MTMR14: variants seen among roughly 807,000 people sequenced by gnomAD.
MTMR14 encodes the protein phosphatidylinositol-3,5-bisphosphate 3-phosphatase MTMR14.
A neutral mutation model predicts 86.3 loss-of-function variants in MTMR14; 48 were observed. The ratio of observed to expected loss-of-function variants is 0.56; its 90% confidence interval spans 0.44 to 0.71. MTMR14 has a LOEUF of 0.71. Ranked by LOEUF, MTMR14 falls within the 30% of genes least tolerant of loss-of-function variation. The pLI is 0.00. For missense variants in MTMR14, 780 were observed against 834.6 expected (o/e 0.93, Z 0.81); for synonymous variants, 366 against 326.1 (o/e 1.12, Z -1.32).
chr3:9,664,574 A>C (rs920957789), intron 3 of MTMR14, among the ~76,000 whole-genome samples: 1 of 152,200 alleles, frequency 6.6e-6, no homozygotes, highest in Non-Finnish European at 1.5e-5. Flanking sequence ...GCCATGAAAA[A>C]TAATGAGATC....
Position 9,701,589 on chromosome 3 carries a change from G to T in MTMR14, c.1770-201G>T. The T allele has an allele frequency of 1.5e-6, 1 of 654,520 alleles. No homozygotes were observed. Among genetic ancestry groups the T allele is most frequent in the Non-Finnish European group, 2.7e-6 (1 of 369,746 alleles). 40.5% of individuals were successfully genotyped at this position (654,520 alleles called of 1,614,324 possible). ...GCTCTAGGTGGGAACAGTAGCCTGA[G>T]GGCTTAGAGGAATGGTTTAAGGGAA... On this transcript the variant is annotated intron_variant, in intron 18 of 18. Coordinates refer to ENST00000296003, the MANE Select transcript of MTMR14 (RefSeq NM_001077525.3). This position sits in a 1 kb window ranked among gnomAD's most constrained non-coding sequence, Gnocchi z 4.2.
intron 7 of MTMR14, among the ~76,000 whole-genome samples, chr3:9,673,678 T>G (rs957527332): frequency 3.3e-5 from 5 of 152,114 alleles, no homozygotes; most frequent in African/African-American, 1.2e-4. Context: ...GGTGTCCTCA[T>G]CATGTGCAAG....
chr3:9,679,054 A>G (rs934905634), intron 9 of MTMR14, among the ~76,000 whole-genome samples: 4 of 152,228 alleles, frequency 2.6e-5, no homozygotes, highest in African/African-American at 7.2e-5. Context: ...ATGTTAAGCA[A>G]CTGGGTGCTC....
intron 6 of MTMR14, among the ~76,000 whole-genome samples, 192 bp from the exon 7 acceptor site, chr3:9,672,493 C>T (rs2048620935): frequency 6.6e-6 from 1 of 152,178 alleles, no homozygotes; most frequent in East Asian, 1.9e-4. Context: ...AACATGACCT[C>T]CAGCCGATGC....
intron 13 of MTMR14, among the ~76,000 whole-genome samples, chr3:9,686,461 G>A (rs1208243697): frequency 6.6e-6 from 1 of 152,114 alleles, no homozygotes; most frequent in Non-Finnish European, 1.5e-5. Flanking sequence ...CTCAGCTGCA[G>A]GTTCATCTTC....
intron 1 of MTMR14, chr3:9,650,648 T>TG (rs1171742699): frequency 4.1e-6 from 1 of 245,872 alleles, no homozygotes; most frequent in Non-Finnish European, 8.6e-6. Context: ...AAGTATAGTC[T>TG]GGGGACCACC....
chr3:9,659,673 A>C (rs1450342933), intron 2 of MTMR14: 2 of 454,672 alleles, frequency 4.4e-6, no homozygotes, highest in African/African-American at 4.0e-5. Context: ...TTACCTCCTG[A>C]CCTCAGGTGA....
intron 1 of MTMR14, among the ~76,000 whole-genome samples, chr3:9,652,992 T>C (rs937539686): frequency 8.6e-5 from 13 of 151,916 alleles, no homozygotes; most frequent in African/African-American, 3.1e-4. Flanking sequence ...ATCCCAGCAC[T>C]TGGGGAGGCC....
Position 9,683,219 on chromosome 3 carries a change from G to C in MTMR14, c.939G>C (p.Leu313=). 1 of 1,614,214 alleles carries C rather than the reference G, an allele frequency of 6.2e-7. No individual in the cohort carries two copies. The highest frequency in any genetic ancestry group is 2.2e-5 in the East Asian group (1 of 44,888). The change falls in exon 10 of 19, where the codon CTG becomes CTC. Residue 313 remains leucine, a synonymous_variant. Transcript: ENST00000296003. ...LVQQTQNYLK[L]LLSLVNSDDD... is the part of the protein sequence containing the mutation. ...AACAAACACAAAACTACCTGAAGCTGCTGCTTTCCTTAGTTAACAGTGATG... is the reference window on the plus strand; with the variant it reads ...AACAAACACAAAACTACCTGAAGCTCCTGCTTTCCTTAGTTAACAGTGATG...
At chr3:9,669,405 G>C in intron 4 of MTMR14, 27 bp from the exon 5 acceptor site, 1 of 1,613,090 alleles carries the variant, frequency 6.2e-7, no homozygotes, top group Non-Finnish European at 8.5e-7. Context: ...ACCAGCCTCA[G>C]TACTGACAGA....
At chr3:9,679,944 A>G (rs958015248) in intron 9 of MTMR14, among the ~76,000 whole-genome samples, 1 of 152,108 alleles carries the variant, frequency 6.6e-6, no homozygotes, top group African/African-American at 2.4e-5. Context: ...GGCTCCTAGC[A>G]TGCTCTTCCT....
intron 10 of MTMR14, 181 bp downstream of exon 10, chr3:9,683,425 C>T: frequency 1.6e-6 from 1 of 630,458 alleles, no homozygotes; most frequent in Non-Finnish European, 2.9e-6. Context: ...TGGCTTTATT[C>T]CATGTCCTCA....
At position 9,677,985 on chromosome 3, in the gene MTMR14, A is replaced by G; in HGVS notation, c.824A>G (p.Asp275Gly). The G allele has an allele frequency of 6.2e-7, 1 of 1,613,972 alleles. No individual in the cohort carries two copies. ...AEGLIFNWKQ[D>G]YVDAPLSIPD... ...TCACAGGAGTCTTTCTGTCCCCAGG[A>G]CTACGTTGATGCCCCATTGAGCATC... The change falls in exon 9 of 19, where the codon GAC (aspartate) becomes GGC (glycine). Residue 275 changes from aspartate to glycine, a missense_variant and splice_region_variant. By Grantham distance (94) the Asp-to-Gly change is moderately conservative. Coordinates refer to ENST00000296003, the MANE Select transcript of MTMR14 (RefSeq NM_001077525.3). The surrounding 1 kb of genome is among the most constrained non-coding windows in gnomAD (Gnocchi z 4.2).
At chr3:9,675,450 C>A in intron 7 of MTMR14, 1 of 382,940 alleles carries the variant, frequency 2.6e-6, no homozygotes, top group South Asian at 2.0e-5. Flanking sequence ...GACTTTGAGG[C>A]TCATACAGGT....
intron 3 of MTMR14, among the ~76,000 whole-genome samples, chr3:9,663,139 G>T (rs1021387031): frequency 3.3e-5 from 5 of 152,142 alleles, no homozygotes; most frequent in African/African-American, 1.2e-4. Flanking sequence ...AGTAGCAACG[G>T]TGCGAAAATT....
At chr3:9,689,937 C>G (rs753360479) in intron 16 of MTMR14, 27 bp from the exon 17 acceptor site, 3 of 1,599,144 alleles carry the variant, frequency 1.9e-6, no homozygotes, top group African/African-American at 2.7e-5. Context: ...TGGCCCCCGG[C>G]TCACAGCCCT....
chr3:9,676,279 T>G (rs560073511), intron 7 of MTMR14, among the ~76,000 whole-genome samples: 1 of 152,336 alleles, frequency 6.6e-6, no homozygotes, highest in East Asian at 1.9e-4. Flanking sequence ...AAGTGCCTTC[T>G]CCCACCATAT....
At chr3:9,692,352 G>A (rs917122754) in intron 17 of MTMR14, among the ~76,000 whole-genome samples, 1 of 152,242 alleles carries the variant, frequency 6.6e-6, no homozygotes, top group African/African-American at 2.4e-5. Flanking sequence ...GTTCTGTGGG[G>A]TGCCAATTCT....
At chr3:9,683,477 C>T in intron 10 of MTMR14, 1 of 535,546 alleles carries the variant, frequency 1.9e-6, no homozygotes, top group Admixed American at 3.1e-5. Context: ...ACCATCTATG[C>T]CGTGCACAGG....
Sources: allele counts gnomAD v4.1 joint callset (sites outside exome capture counted in the v4.1 genomes callset), GRCh38; gene constraint gnomAD v4.1.1; non-coding constraint Gnocchi (gnomAD v3.1); transcripts MANE v1.5; gene names NCBI Gene and HGNC (gene_info 2026-07-23, HGNC 2026-07-21).